Variants in INVS observed in about 807,000 individuals in gnomAD.
INVS encodes the protein inversin, also known as inversion of embryo turning homolog.
In INVS, 86 loss-of-function variants were observed where a neutral mutation model predicts 108.8. That is an observed-to-expected ratio of 0.79 (90% CI 0.66 to 0.95). The LOEUF is 0.95. Ranked by LOEUF, INVS falls within the 40% of genes least tolerant of loss-of-function variation. The pLI, the probability that INVS is intolerant of heterozygous loss-of-function variation, is 0.00. For missense variants in INVS, 1,169 were observed against 1,297.4 expected (o/e 0.90, Z 1.52); for synonymous variants, 455 against 473.5 (o/e 0.96, Z 0.51).
intron 3 of INVS, among the ~76,000 whole-genome samples, chr9:100,178,773 C>A (rs1248472918): frequency 6.6e-6 from 1 of 152,120 alleles, no homozygotes; most frequent in Non-Finnish European, 1.5e-5. Flanking sequence ...CATTCAAATT[C>A]AGGAAATACT....
intron 8 of INVS, among the ~76,000 whole-genome samples, chr9:100,252,073 G>A (rs1472694868): frequency 6.6e-6 from 1 of 152,070 alleles, no homozygotes; most frequent in Non-Finnish European, 1.5e-5. Flanking sequence ...AGAAGAGAAA[G>A]GTAGAAGGAA....
intron 13 of INVS, among the ~76,000 whole-genome samples, chr9:100,291,398 TATCC>T (rs1833610717): frequency 6.6e-6 from 1 of 152,238 alleles, no homozygotes; most frequent in South Asian, 2.1e-4. Context: ...TTTTCAAATC[TATCC>T]TTTTCTCGTA....
At chr9:100,111,251 G>A (rs1031823727) in intron 2 of INVS, among the ~76,000 whole-genome samples, 3 of 152,142 alleles carry the variant, frequency 2.0e-5, no homozygotes, top group Non-Finnish European at 4.4e-5. Context: ...ACTTGTATTG[G>A]GCATTGTGTT....
rs187355200 is a variant in INVS, at chr9:100,296,487, G to A, written c.2787-430G>A. On this transcript the variant is annotated intron_variant, in intron 14 of 16. Coordinates refer to ENST00000262457, the MANE Select transcript of INVS (RefSeq NM_014425.5). ...CCTCTATCTATCTCTGCTGATGCCA[G>A]TTCTGCTACGTAGAATGCCCTTCTC... Among the ~76,000 whole-genome samples, 931 of 152,312 alleles carry A rather than the reference G, an allele frequency of 6.1e-3. 7 individuals carry two copies. Among genetic ancestry groups the A allele is most frequent in the South Asian group, 0.019 (93 of 4,826 alleles).
chr9:100,218,462 G>A (rs1039994350), intron 3 of INVS, among the ~76,000 whole-genome samples: 1 of 152,158 alleles, frequency 6.6e-6, no homozygotes, highest in Non-Finnish European at 1.5e-5. Context: ...GAAGCAAATA[G>A]CAAAGGCCCC....
At chr9:100,266,239 C>T (rs188706394) in intron 11 of INVS, among the ~76,000 whole-genome samples, 87 of 152,204 alleles carry the variant, frequency 5.7e-4, no homozygotes, top group African/African-American at 1.5e-3. Context: ...ATCCAGACCC[C>T]GTCAGAGGGT....
intron 2 of INVS, among the ~76,000 whole-genome samples, chr9:100,115,280 T>G (rs1352338403): frequency 6.7e-6 from 1 of 148,770 alleles, no homozygotes; most frequent in Admixed American, 6.6e-5. Flanking sequence ...TAATTTCTCT[T>G]TTTTTATTTT....
intron 3 of INVS, among the ~76,000 whole-genome samples, chr9:100,183,598 C>A (rs1388738396): frequency 6.6e-6 from 1 of 151,980 alleles, no homozygotes; most frequent in African/African-American, 2.4e-5. Flanking sequence ...TTCAAGACTG[C>A]CCTGGGCAAC....
intron 3 of INVS, among the ~76,000 whole-genome samples, chr9:100,160,693 C>T (rs1047392115): frequency 2.0e-5 from 3 of 151,264 alleles, no homozygotes; most frequent in African/African-American, 4.9e-5. Flanking sequence ...TTAATTTCCC[C>T]GTTGTTACGA....
At chr9:100,291,071 AT>A (rs370662366) in intron 13 of INVS, among the ~76,000 whole-genome samples, 28,003 of 144,762 alleles carry the variant, frequency 0.19, 3,152 homozygotes, top group African/African-American at 0.33. Context: ...TTTATTAAGA[AT>A]TTTTTTTTTT....
intron 13 of INVS, among the ~76,000 whole-genome samples, chr9:100,290,087 T>TG (rs904849737): frequency 1.4e-4 from 9 of 65,876 alleles, no homozygotes; most frequent in African/African-American, 4.0e-4. Context: ...GTAGTTTTAG[T>TG]TTTTTTTTTG....
chr9:100,228,285 C>T (rs1353859458), intron 4 of INVS, among the ~76,000 whole-genome samples: 2 of 152,198 alleles, frequency 1.3e-5, no homozygotes, highest in African/African-American at 4.8e-5. Flanking sequence ...GCCACTGCGC[C>T]CAGCCAAACA....
chr9:100,259,920 G>T (rs563555654), intron 10 of INVS, among the ~76,000 whole-genome samples: 8 of 152,042 alleles, frequency 5.3e-5, no homozygotes, highest in African/African-American at 1.9e-4. Context: ...CACCCAGGCT[G>T]GAGTGCAGTG....
Position 100,240,224 on chromosome 9 carries a change from C to T in INVS, c.780C>T (p.His260=). ...ATAACTTATTTCGAACCCCACTGCA[C>T]TGGGCAGCTTTATTAGGTACGTGAC... ...SYDNLFRTPL[H]WAALLGHAQI... is the part of the protein sequence containing the mutation. The change falls in exon 6 of 17, where the codon CAC becomes CAT. Residue 260 remains histidine (H), a synonymous_variant. Coordinates refer to ENST00000262457, the MANE Select transcript of INVS (RefSeq NM_014425.5). 6.2e-7 allele frequency: 1 copy of T among 1,613,872 alleles called. No individual in the cohort carries two copies. Among genetic ancestry groups the T allele is most frequent in the Non-Finnish European group, 8.5e-7 (1 of 1,179,806 alleles).
intron 5 of INVS, among the ~76,000 whole-genome samples, chr9:100,238,650 G>T (rs963518566): frequency 4.0e-5 from 6 of 151,560 alleles, no homozygotes; most frequent in Admixed American, 3.3e-4. Flanking sequence ...GTCTCTTTCT[G>T]TTGCGTCCTA....
chr9:100,261,896 T>A (rs545664165), intron 10 of INVS, among the ~76,000 whole-genome samples: 7 of 152,338 alleles, frequency 4.6e-5, no homozygotes, highest in African/African-American at 1.7e-4. Flanking sequence ...TTGAGTAAGA[T>A]GTTGCTATAG....
chr9:100,129,200 G>A (rs756786301), intron 3 of INVS, among the ~76,000 whole-genome samples: 3 of 147,920 alleles, frequency 2.0e-5, no homozygotes, highest in Non-Finnish European at 4.5e-5. Context: ...GAAGGAATCT[G>A]GCAGGGTGCA....
In INVS at chr9:100,111,631, GC is replaced by G. The variant is rs570940485; in HGVS notation, c.106+7006del. 1.8e-3 allele frequency among the ~76,000 whole-genome samples: 268 copies of G among 152,338 alleles called. 2 individuals carry two copies. Among genetic ancestry groups the G allele is most frequent in the African/African-American group, 6.1e-3 (253 of 41,586 alleles). On this transcript the variant is annotated intron_variant, in intron 2 of 16. Coordinates refer to ENST00000262457, the MANE Select transcript of INVS (RefSeq NM_014425.5). ...ACAGGAATGCAAATTTAAATGCACT[GC>G]CATCCAGTGAATATTAGTTTACATC...
chr9:100,156,976 A>G (rs1829011230), intron 3 of INVS, among the ~76,000 whole-genome samples: 1 of 98,942 alleles, frequency 1.0e-5, no homozygotes, highest in African/African-American at 9.4e-5. Context: ...AGGGATATTC[A>G]TTCATCATTG....
Sources: allele counts gnomAD v4.1 joint callset (sites outside exome capture counted in the v4.1 genomes callset), GRCh38; gene constraint gnomAD v4.1.1; transcripts MANE v1.5; gene names NCBI Gene and HGNC (gene_info 2026-07-23, HGNC 2026-07-21).